RGL1: variants seen among roughly 807,000 people sequenced by gnomAD.
RGL1 encodes ral guanine nucleotide dissociation stimulator like 1, also known as ral guanine nucleotide dissociation stimulator-like 1.
A neutral mutation model predicts 95.2 loss-of-function variants in RGL1; 24 were observed. That is an observed-to-expected ratio of 0.25 (90% CI 0.18 to 0.35). The LOEUF (loss-of-function observed/expected upper bound fraction) is 0.35, where lower values mean the gene tolerates loss of function less well. Among genes scored for constraint, RGL1 ranks in the 10% least tolerant of loss-of-function variants. The pLI is 1.00. For synonymous variants in RGL1, 329 were observed against 344.9 expected, an observed-to-expected ratio of 0.95 and a Z score of 0.51; for missense variants, 715 against 936.3, an observed-to-expected ratio of 0.76 and a Z score of 3.08.
At chr1:183,658,296 T>G (rs1290161390) in intron 1 of RGL1, among the ~76,000 whole-genome samples, 1 of 152,206 alleles carries the variant, frequency 6.6e-6, no homozygotes, top group Non-Finnish European at 1.5e-5. Context: ...GGGAGTTCCC[T>G]TTCCTAGTCA....
chr1:183,657,684 C>T (rs545339087), intron 1 of RGL1, among the ~76,000 whole-genome samples: 2 of 151,830 alleles, frequency 1.3e-5, no homozygotes, highest in East Asian at 3.9e-4. Flanking sequence ...TTAATCCAGT[C>T]TATCGTTGTT....
chr1:183,708,997 T>C (rs889462096), intron 1 of RGL1, among the ~76,000 whole-genome samples: 7 of 152,194 alleles, frequency 4.6e-5, no homozygotes, highest in African/African-American at 1.7e-4. Context: ...AATGTGTGCC[T>C]GGGTGCAGAT....
intron 1 of RGL1, among the ~76,000 whole-genome samples, chr1:183,704,496 A>C (rs1347612487): frequency 1.3e-5 from 2 of 152,320 alleles, no homozygotes; most frequent in African/African-American, 4.8e-5. Context: ...AATAGCCAGC[A>C]TGTTGGTGTC....
At chr1:183,919,347 G>A (rs1472529154) in intron 16 of RGL1, among the ~76,000 whole-genome samples, 1 of 152,186 alleles carries the variant, frequency 6.6e-6, no homozygotes, top group Non-Finnish European at 1.5e-5. Flanking sequence ...ACAGCTAGTA[G>A]ATTTGTAGTT....
At chr1:183,828,770 T>A (rs1663054766) in intron 2 of RGL1, among the ~76,000 whole-genome samples, 1 of 152,238 alleles carries the variant, frequency 6.6e-6, no homozygotes. Flanking sequence ...ACTGATTGAC[T>A]TCTGTATTCA....
At chr1:183,689,809 T>C (rs1221364720) in intron 1 of RGL1, among the ~76,000 whole-genome samples, 10 of 152,088 alleles carry the variant, frequency 6.6e-5, no homozygotes, top group Admixed American at 6.6e-4. Context: ...AACAGAGGGA[T>C]GGGTTGATTA....
At chr1:183,696,221 A>C (rs557939637) in intron 1 of RGL1, among the ~76,000 whole-genome samples, 1 of 152,138 alleles carries the variant, frequency 6.6e-6, no homozygotes, top group East Asian at 1.9e-4. Flanking sequence ...TTACTCTCCA[A>C]GGCTCGCGCT....
chr1:183,843,840 C>A (rs1664229902), intron 2 of RGL1, among the ~76,000 whole-genome samples: 1 of 150,700 alleles, frequency 6.6e-6, no homozygotes, highest in African/African-American at 2.4e-5. Context: ...TGTTTGTTTG[C>A]TTTTGAGATG....
At chr1:183,687,385 A>C (rs1030870923) in intron 1 of RGL1, among the ~76,000 whole-genome samples, 11 of 152,224 alleles carry the variant, frequency 7.2e-5, no homozygotes, top group African/African-American at 2.7e-4. Context: ...TTGGGAATTC[A>C]GGAAAATTAT....
At chr1:183,890,040 G>A (rs571572192) in intron 8 of RGL1, among the ~76,000 whole-genome samples, 1 of 152,106 alleles carries the variant, frequency 6.6e-6, no homozygotes, top group East Asian at 1.9e-4. Context: ...GGTGAAATGC[G>A]ATGGGAAAAT....
chr1:183,654,302 C>T (rs1650984242), intron 1 of RGL1, among the ~76,000 whole-genome samples: 1 of 152,204 alleles, frequency 6.6e-6, no homozygotes, highest in African/African-American at 2.4e-5. Context: ...GTCACTGCTG[C>T]ATCCTGTCCC....
At chr1:183,719,913 A>T (rs2102201288) in intron 1 of RGL1, among the ~76,000 whole-genome samples, 1 of 152,264 alleles carries the variant, frequency 6.6e-6, no homozygotes, top group African/African-American at 2.4e-5. Context: ...CTCAAAAAAA[A>T]TGAAAAAAAA....
chr1:183,913,225 C>T (rs1268842036), intron 15 of RGL1, among the ~76,000 whole-genome samples: 1 of 108,200 alleles, frequency 9.2e-6, no homozygotes, highest in African/African-American at 3.6e-5. Context: ...TGAAGTCTCA[C>T]TACTCTGTTG....
At chr1:183,649,507 G>T (rs1455221937) in intron 1 of RGL1, among the ~76,000 whole-genome samples, 1 of 151,920 alleles carries the variant, frequency 6.6e-6, no homozygotes, top group Non-Finnish European at 1.5e-5. Flanking sequence ...GGTTTTTTTT[G>T]AGACTAGGAT....
At chr1:183,908,053 CAT>C (rs571381927) in intron 14 of RGL1, among the ~76,000 whole-genome samples, 2 of 151,874 alleles carry the variant, frequency 1.3e-5, no homozygotes, top group African/African-American at 4.8e-5. Flanking sequence ...TTTATACACA[CAT>C]ATATATATAC....
At chr1:183,819,837 T>G (rs1450516616) in intron 2 of RGL1, among the ~76,000 whole-genome samples, 1 of 151,054 alleles carries the variant, frequency 6.6e-6, no homozygotes, top group East Asian at 1.9e-4. Context: ...CAGTCTGGAG[T>G]ACAGTGGTGT....
At chr1:183,652,925 A>T (rs1051890847) in intron 1 of RGL1, 5 of 152,224 alleles carry the variant, frequency 3.3e-5, no homozygotes, top group African/African-American at 9.7e-5. Flanking sequence ...CCATAAGGAC[A>T]ATCTGCTCTC....
intron 1 of RGL1, among the ~76,000 whole-genome samples, chr1:183,675,704 T>C (rs1652783694): frequency 6.6e-6 from 1 of 152,230 alleles, no homozygotes; most frequent in Non-Finnish European, 1.5e-5. Flanking sequence ...AGTTACTGTT[T>C]ATGTTGAGCT....
intron 1 of RGL1, among the ~76,000 whole-genome samples, chr1:183,740,543 T>G (rs1316531720): frequency 6.6e-6 from 1 of 152,184 alleles, no homozygotes; most frequent in African/African-American, 2.4e-5. Context: ...GGGTAGTGGG[T>G]TAAGTGAGCA....
Sources: allele counts gnomAD v4.1 joint callset (sites outside exome capture counted in the v4.1 genomes callset), GRCh38; gene constraint gnomAD v4.1.1; transcripts MANE v1.5; gene names NCBI Gene and HGNC (gene_info 2026-07-23, HGNC 2026-07-21).